Variants in SKIC3 observed in about 807,000 individuals in gnomAD.
SKIC3 encodes superkiller complex protein 3.
chr5:95,548,224 A>G, the SKIC3 span, among the ~76,000 whole-genome samples: 1 of 152,056 alleles, frequency 6.6e-6, no homozygotes, highest in Admixed American at 6.5e-5. Flanking sequence ...AATATTAAGT[A>G]TTTATAGGCT....
chr5:95,484,435 T>C, the SKIC3 span, among the ~76,000 whole-genome samples: 10 of 150,214 alleles, frequency 6.7e-5, no homozygotes, highest in Admixed American at 5.3e-4. Context: ...CAACGTCAAA[T>C]TCCTGGGCTC....
chr5:95,529,531 C>G, the SKIC3 span, among the ~76,000 whole-genome samples: 2 of 152,312 alleles, frequency 1.3e-5, no homozygotes, highest in Non-Finnish European at 2.9e-5. Context: ...ACTTCATTCT[C>G]AAACCCTGGT....
chr5:95,498,509 T>C, the SKIC3 span: 1 of 1,614,242 alleles, frequency 6.2e-7, no homozygotes, highest in Non-Finnish European at 8.5e-7. Context: ...AGTGCTGCTT[T>C]TGACAGTGTA....
At chr5:95,491,571 T>C in the SKIC3 span, among the ~76,000 whole-genome samples, 1 of 152,218 alleles carries the variant, frequency 6.6e-6, no homozygotes, top group African/African-American at 2.4e-5. Context: ...CCTCATTCAT[T>C]TGATCTTTTC....
chr5:95,467,703 T>C, the SKIC3 span, among the ~76,000 whole-genome samples: 25 of 152,248 alleles, frequency 1.6e-4, no homozygotes, highest in African/African-American at 5.1e-4. Flanking sequence ...ACAGTAGACA[T>C]TGTAGTCTTT....
chr5:95,492,644 AAAAAAAAG>A, the SKIC3 span, among the ~76,000 whole-genome samples: 11 of 49,190 alleles, frequency 2.2e-4, no homozygotes, highest in African/African-American at 6.7e-4. Context: ...CTCAAAAAAA[AAAAAAAAG>A]AAAAAAAAAA....
chr5:95,543,229 A>C, the SKIC3 span: 1 of 1,614,110 alleles, frequency 6.2e-7, no homozygotes, highest in Admixed American at 1.7e-5. Flanking sequence ...CAGCTTTTTT[A>C]TAGGCACTCT....
chr5:95,536,400 T>C, the SKIC3 span: 1 of 230,152 alleles, frequency 4.3e-6, no homozygotes. Flanking sequence ...CCTGACCTAT[T>C]TAGCCAAAAT....
At chr5:95,464,407 A>ATTT in the SKIC3 span, 1 of 443,668 alleles carries the variant, frequency 2.3e-6, no homozygotes, top group Non-Finnish European at 4.1e-6. Flanking sequence ...CCCAAATTAA[A>ATTT]TTTTTTTTTT....
At chr5:95,525,368 T>G in the SKIC3 span, 1 of 1,593,526 alleles carries the variant, frequency 6.3e-7, no homozygotes, top group Non-Finnish European at 8.6e-7. Context: ...AAGATGTAAA[T>G]GGTTCTATGA....
chr5:95,514,158 T>C, the SKIC3 span, among the ~76,000 whole-genome samples: 1 of 152,326 alleles, frequency 6.6e-6, no homozygotes, highest in African/African-American at 2.4e-5. Flanking sequence ...TAAACCCTGA[T>C]TAATAATTTT....
At chr5:95,515,936 G>A in the SKIC3 span, among the ~76,000 whole-genome samples, 1 of 152,022 alleles carries the variant, frequency 6.6e-6, no homozygotes, top group Non-Finnish European at 1.5e-5. Context: ...ATCTACTAAA[G>A]CCAAAATGTA....
the SKIC3 span, among the ~76,000 whole-genome samples, chr5:95,492,674 A>AAAAAAAAAAAAAAAAAAAAAG: frequency 7.1e-6 from 1 of 141,044 alleles, no homozygotes; most frequent in Non-Finnish European, 1.5e-5. Context: ...AAAAAAAAAA[A>AAAAAAAAAAAAAAAAAAAAAG]AAAAAAAAAA....
chr5:95,516,672 C>T, the SKIC3 span: 1 of 1,613,230 alleles, frequency 6.2e-7, no homozygotes, highest in Non-Finnish European at 8.5e-7. Context: ...CAATTCTCAC[C>T]ACTGTAACAT....
chr5:95,537,160 C>G, the SKIC3 span: 1 of 1,592,584 alleles, frequency 6.3e-7, no homozygotes, highest in Non-Finnish European at 8.6e-7. Context: ...AATAAAAAAG[C>G]TATCATCTGT....
chr5:95,503,336 C>T, the SKIC3 span, among the ~76,000 whole-genome samples: 3 of 152,136 alleles, frequency 2.0e-5, no homozygotes, highest in African/African-American at 7.2e-5. Context: ...AAAACTCCCA[C>T]GTGCAGCCCA....
the SKIC3 span, among the ~76,000 whole-genome samples, chr5:95,539,147 T>C: frequency 6.6e-6 from 1 of 152,118 alleles, no homozygotes; most frequent in East Asian, 1.9e-4. Flanking sequence ...TAACATACAA[T>C]CCTTTTTTTT....
chr5:95,472,581 C>T, the SKIC3 span, among the ~76,000 whole-genome samples: 1 of 152,160 alleles, frequency 6.6e-6, no homozygotes, highest in Middle Eastern at 3.4e-3. Context: ...AGGCAACAGC[C>T]CTCTCCAAAG....
the SKIC3 span, chr5:95,529,164 C>T: frequency 7.3e-7 from 1 of 1,378,418 alleles, no homozygotes; most frequent in Admixed American, 1.7e-5. Context: ...TGAACAGCAC[C>T]AATGCCTACT....
Sources: gnomAD v4.1 joint callset for allele counts (sites outside exome capture counted in the v4.1 genomes callset) on GRCh38, gnomAD v4.1.1 for gene constraint, MANE v1.5 for transcripts, NCBI Gene and HGNC (gene_info 2026-07-23, HGNC 2026-07-21) for gene names.